Variants in EVL observed in about 807,000 individuals in gnomAD.
EVL encodes the protein ena/VASP-like protein.
In EVL, 21 loss-of-function variants were observed where a neutral mutation model predicts 59.6. That is an observed-to-expected ratio of 0.35 (90% CI 0.25 to 0.51). EVL has a LOEUF of 0.51. Ranked by LOEUF, EVL falls within the 20% of genes least tolerant of loss-of-function variation. The pLI is 0.97. For synonymous variants in EVL, 198 were observed against 203.5 expected (o/e 0.97, Z 0.23); for missense variants, 462 against 546.6 (o/e 0.85, Z 1.54).
At chr14:100,022,853 G>T (rs2140205009) in intron 1 of EVL, among the ~76,000 whole-genome samples, 1 of 152,270 alleles carries the variant, frequency 6.6e-6, no homozygotes, top group Non-Finnish European at 1.5e-5. Flanking sequence ...GCTGTTTTGT[G>T]TGCTGGTTCA....
At chr14:100,008,868 T>A (rs1038599964) in intron 1 of EVL, among the ~76,000 whole-genome samples, 1 of 152,136 alleles carries the variant, frequency 6.6e-6, no homozygotes, top group Non-Finnish European at 1.5e-5. Context: ...ACTCATGAGA[T>A]GAAATGCAAA....
chr14:100,044,012 A>T (rs1221157985), intron 1 of EVL, among the ~76,000 whole-genome samples: 1 of 152,198 alleles, frequency 6.6e-6, no homozygotes, highest in African/African-American at 2.4e-5. Context: ...CATTGAGGGT[A>T]GGTCTTCCCT....
chr14:100,112,419 G>A (rs1245958379), intron 3 of EVL, among the ~76,000 whole-genome samples: 1 of 152,212 alleles, frequency 6.6e-6, no homozygotes, highest in East Asian at 1.9e-4. Context: ...TCACCTCTCA[G>A]TCAGGTCTCA....
intron 1 of EVL, among the ~76,000 whole-genome samples, chr14:99,991,742 A>G (rs1426860153): frequency 6.6e-6 from 1 of 152,198 alleles, no homozygotes; most frequent in Non-Finnish European, 1.5e-5. Context: ...GCTTGGGGCA[A>G]AGGGGAAAAG....
intron 1 of EVL, among the ~76,000 whole-genome samples, chr14:99,988,359 A>C (rs572970872): frequency 2.0e-5 from 3 of 152,316 alleles, no homozygotes; most frequent in African/African-American, 7.2e-5. Context: ...ATGAAATACC[A>C]TTTCATACTC....
At chr14:100,027,925 T>C (rs1277371237) in intron 1 of EVL, among the ~76,000 whole-genome samples, 4 of 152,202 alleles carry the variant, frequency 2.6e-5, no homozygotes, top group Non-Finnish European at 4.4e-5. Flanking sequence ...TCCACCCTCA[T>C]TGGCCTCCCA....
At chr14:99,971,679 C>A (rs1397684864) in exon 1 of EVL, 1 of 150,284 alleles carries the variant, frequency 6.7e-6, no homozygotes, top group African/African-American at 2.4e-5. Context: ...GGGCCGCCGC[C>A]CCGAGTCTCA....
chr14:100,027,053 G>A (rs1160625923), intron 1 of EVL, among the ~76,000 whole-genome samples: 1 of 152,100 alleles, frequency 6.6e-6, no homozygotes, highest in Non-Finnish European at 1.5e-5. Flanking sequence ...GTGTCCATCT[G>A]ACAAGCCAAA....
At chr14:99,998,522 A>G (rs2060927564) in intron 1 of EVL, among the ~76,000 whole-genome samples, 1 of 152,140 alleles carries the variant, frequency 6.6e-6, no homozygotes, top group Non-Finnish European at 1.5e-5. Context: ...ATATATATAC[A>G]TGTCTGCATC....
chr14:100,048,179 A>G (rs944522842), intron 1 of EVL, among the ~76,000 whole-genome samples: 3 of 152,216 alleles, frequency 2.0e-5, no homozygotes, highest in Admixed American at 6.5e-5. Context: ...AGAATTAAAA[A>G]CTATTATTCT....
intron 3 of EVL, among the ~76,000 whole-genome samples, chr14:100,112,991 G>C (rs1479813086): frequency 6.6e-6 from 1 of 152,196 alleles, no homozygotes; most frequent in Non-Finnish European, 1.5e-5. Context: ...AGAGAGCCTT[G>C]TCAATACAGT....
At chr14:100,132,824 A>C in intron 8 of EVL, 45 bp downstream of exon 8, 2 of 1,606,078 alleles carry the variant, frequency 1.2e-6, no homozygotes, top group Non-Finnish European at 1.7e-6. Flanking sequence ...CACTGAGATG[A>C]GCGCATCGCC....
intron 1 of EVL, among the ~76,000 whole-genome samples, chr14:99,977,692 C>G (rs376986429): frequency 3.9e-5 from 6 of 152,162 alleles, no homozygotes; most frequent in Admixed American, 1.3e-4. Context: ...CCTCGGCCCC[C>G]CAAAGTGCTG....
At chr14:100,141,700 G>C in intron 12 of EVL, 36 bp from the exon 13 acceptor site, 1 of 1,608,472 alleles carries the variant, frequency 6.2e-7, no homozygotes, top group Non-Finnish European at 8.5e-7. Flanking sequence ...CGTCTCCACT[G>C]CCTGTCCCTT....
intron 1 of EVL, among the ~76,000 whole-genome samples, chr14:100,022,605 T>C (rs2061145067): frequency 1.3e-5 from 2 of 152,092 alleles, no homozygotes; most frequent in African/African-American, 4.8e-5. Flanking sequence ...TAAAAGGAAG[T>C]CTGATTTTGA....
At chr14:100,141,323 C>G in intron 12 of EVL, 77 bp downstream of exon 12, 1 of 1,513,194 alleles carries the variant, frequency 6.6e-7, no homozygotes, top group Middle Eastern at 1.7e-4. Flanking sequence ...ACCAGCATGG[C>G]CAGGCAGGCC....
At chr14:100,137,531 G>GA in intron 9 of EVL, 47 bp from the exon 10 acceptor site, 1 of 1,600,348 alleles carries the variant, frequency 6.2e-7, no homozygotes. Flanking sequence ...GGTGGCTACT[G>GA]AGTCCCTTCA....
intron 9 of EVL, among the ~76,000 whole-genome samples, chr14:100,136,917 C>T (rs576268464): frequency 6.6e-6 from 1 of 152,296 alleles, no homozygotes; most frequent in East Asian, 1.9e-4. Flanking sequence ...TGCCTGCAGG[C>T]CCAGCGCCTG....
chr14:100,085,158 T>A (rs1160337225), intron 2 of EVL: 4 of 243,160 alleles, frequency 1.6e-5, no homozygotes, highest in Non-Finnish European at 3.1e-5. Flanking sequence ...TTTGAAAAAA[T>A]AATATTGCAA....
Sources: gnomAD v4.1 joint callset for allele counts (sites outside exome capture counted in the v4.1 genomes callset) on GRCh38, gnomAD v4.1.1 for gene constraint, MANE v1.5 for transcripts, NCBI Gene and HGNC (gene_info 2026-07-23, HGNC 2026-07-21) for gene names.